Variants in FGF10 observed in about 807,000 individuals in gnomAD.
FGF10 encodes fibroblast growth factor 10, also known as FGF-10.
A neutral mutation model predicts 19.8 loss-of-function variants in FGF10; 2 were observed. That is an observed-to-expected ratio of 0.10 (90% CI 0.04 to 0.32). The LOEUF is 0.32. Ranked by LOEUF, FGF10 falls within the 10% of genes least tolerant of loss-of-function variation. The probability of loss-of-function intolerance (pLI) is 1.00; values close to 1 mark genes in which losing one functional copy is unlikely to be tolerated. For synonymous variants in FGF10, 112 were observed against 94.0 expected (o/e 1.19, Z -1.10); for missense variants, 191 against 246.3 (o/e 0.78, Z 1.50).
chr5:44,327,307 G>T (rs578081519), intron 1 of FGF10, among the ~76,000 whole-genome samples: 20 of 152,272 alleles, frequency 1.3e-4, no homozygotes, highest in African/African-American at 4.8e-4. Flanking sequence ...TATAGGAAGA[G>T]AACTAATAAA....
intron 1 of FGF10, among the ~76,000 whole-genome samples, chr5:44,311,820 T>A (rs1420386374): frequency 1.3e-5 from 2 of 152,072 alleles, no homozygotes; most frequent in East Asian, 3.9e-4. Flanking sequence ...AGAAACACCA[T>A]CCCCAATGCA....
rs979078365 is a variant in FGF10, at chr5:44,388,921, G to C, written c.-239C>G. On this transcript the variant is annotated 5_prime_UTR_variant, in exon 1 of 3. Transcript: ENST00000264664. Reference sequence around the variant, plus strand: ...CGCCTCTGGAGCCTCCCGGTAAATGGTGGACGTGGGTGGCCGCAGCAGCAG... The same window carrying C: ...CGCCTCTGGAGCCTCCCGGTAAATGCTGGACGTGGGTGGCCGCAGCAGCAG... The C allele has an allele frequency of 5.6e-5, 33 of 584,834 alleles. No homozygotes were observed. The Admixed American group carries it at 7.5e-4, about 13-fold the overall frequency. 36.2% of individuals were successfully genotyped at this position (584,834 alleles called of 1,614,324 possible).
intron 2 of FGF10, among the ~76,000 whole-genome samples, chr5:44,309,400 C>T (rs1381282962): frequency 6.6e-6 from 1 of 152,094 alleles, no homozygotes; most frequent in Non-Finnish European, 1.5e-5. Context: ...AAACCTAGTT[C>T]CCAACTTTAT....
intron 1 of FGF10, among the ~76,000 whole-genome samples, chr5:44,376,578 G>A (rs780066504): frequency 1.4e-5 from 2 of 143,462 alleles, no homozygotes; most frequent in African/African-American, 2.6e-5. Flanking sequence ...TTGGGGATTT[G>A]CTGGAAATTA....
chr5:44,341,683 G>T (rs1740974903), intron 1 of FGF10, among the ~76,000 whole-genome samples: 1 of 151,910 alleles, frequency 6.6e-6, no homozygotes, highest in East Asian at 1.9e-4. Flanking sequence ...TGTTATGGTT[G>T]CTCAGCACTG....
intron 1 of FGF10, among the ~76,000 whole-genome samples, chr5:44,316,666 C>A (rs986069720): frequency 2.0e-5 from 3 of 152,166 alleles, no homozygotes; most frequent in African/African-American, 7.2e-5. Context: ...GGAATACACA[C>A]AAGTAATAGC....
chr5:44,309,573 A>G (rs574963084), intron 2 of FGF10, among the ~76,000 whole-genome samples: 3 of 152,166 alleles, frequency 2.0e-5, no homozygotes, highest in Non-Finnish European at 2.9e-5. Context: ...TATGTCAAAC[A>G]ATATCTGGCA....
At chr5:44,337,318 AT>A (rs1304926353) in intron 1 of FGF10, among the ~76,000 whole-genome samples, 11 of 152,324 alleles carry the variant, frequency 7.2e-5, no homozygotes, top group Admixed American at 2.0e-4. Context: ...ATTATGATCA[AT>A]TGAGGCATAT....
chr5:44,305,258 C>T, intron 2 of FGF10, 66 bp from the exon 3 acceptor site: 1 of 1,468,130 alleles, frequency 6.8e-7, no homozygotes, highest in Non-Finnish European at 9.5e-7. Context: ...TGATACAAGC[C>T]ATCCAGAGAA....
At chr5:44,338,401 A>G (rs934422282) in intron 1 of FGF10, among the ~76,000 whole-genome samples, 1 of 152,228 alleles carries the variant, frequency 6.6e-6, no homozygotes, top group East Asian at 1.9e-4. Context: ...AGGGATACCA[A>G]AAGAAATTAT....
chr5:44,351,647 G>GT (rs1236282770), intron 1 of FGF10, among the ~76,000 whole-genome samples: 6 of 151,740 alleles, frequency 4.0e-5, no homozygotes, highest in Middle Eastern at 6.8e-3. Context: ...AATCTTATCT[G>GT]TAAGGAAGAA....
At chr5:44,376,648 A>C (rs984553470) in intron 1 of FGF10, among the ~76,000 whole-genome samples, 2 of 151,886 alleles carry the variant, frequency 1.3e-5, no homozygotes, top group Non-Finnish European at 2.9e-5. Flanking sequence ...AAGTATTTTA[A>C]ATTGTAAAAT....
chr5:44,375,405 G>A (rs570432538), intron 1 of FGF10, among the ~76,000 whole-genome samples: 9 of 152,192 alleles, frequency 5.9e-5, no homozygotes, highest in African/African-American at 1.9e-4. Flanking sequence ...TGGGAAAGAG[G>A]GCAGGGACAT....
intron 1 of FGF10, among the ~76,000 whole-genome samples, chr5:44,376,850 ACTTT>A (rs1158770894): frequency 1.3e-5 from 2 of 151,928 alleles, no homozygotes; most frequent in Admixed American, 6.6e-5. Flanking sequence ...ATATTCTTCC[ACTTT>A]CTTTCTTTTT....
intron 1 of FGF10, among the ~76,000 whole-genome samples, chr5:44,345,117 C>T (rs1741058148): frequency 1.3e-5 from 2 of 151,818 alleles, no homozygotes; most frequent in Admixed American, 1.3e-4. Context: ...TATTTTAAAG[C>T]ATCCACACTA....
chr5:44,365,472 T>G (rs771513203), intron 1 of FGF10, among the ~76,000 whole-genome samples: 1 of 151,938 alleles, frequency 6.6e-6, no homozygotes, highest in Non-Finnish European at 1.5e-5. Flanking sequence ...AACCTTCTTC[T>G]TGCACCTCCC....
intron 1 of FGF10, among the ~76,000 whole-genome samples, chr5:44,348,549 C>T (rs966617478): frequency 6.3e-4 from 96 of 151,434 alleles, no homozygotes; most frequent in Non-Finnish European, 2.2e-4. Flanking sequence ...CACTCCCATC[C>T]CAGATAAGGT....
intron 1 of FGF10, among the ~76,000 whole-genome samples, chr5:44,375,336 G>C (rs1402005522): frequency 6.6e-6 from 1 of 152,096 alleles, no homozygotes; most frequent in Non-Finnish European, 1.5e-5. Context: ...GGTTTTGAGA[G>C]GACAGCAGGA....
At position 44,302,553 on chromosome 5, in the gene FGF10, G is replaced by A. The variant is rs1257039049; in HGVS notation, c.*2442C>T. Reference sequence around the variant, plus strand: ...TTGTTTTGTTTTGTTTTGTTTAAGAGAAGGATGTCTCACTAGGTTTCTCAG... The same window carrying A: ...TTGTTTTGTTTTGTTTTGTTTAAGAAAAGGATGTCTCACTAGGTTTCTCAG... On this transcript the variant is annotated 3_prime_UTR_variant, in exon 3 of 3. Transcript: ENST00000264664. Among the ~76,000 whole-genome samples the A allele has an allele frequency of 6.6e-6, 1 of 151,896 alleles. No homozygotes were observed.
Sources: allele counts gnomAD v4.1 joint callset (sites outside exome capture counted in the v4.1 genomes callset), GRCh38; gene constraint gnomAD v4.1.1; transcripts MANE v1.5; gene names NCBI Gene and HGNC (gene_info 2026-07-23, HGNC 2026-07-21).